The following FAM184B variants were observed in gnomAD, a reference collection of about 807,000 sequenced individuals.
FAM184B encodes protein FAM184B.
A neutral mutation model predicts 135.9 loss-of-function variants in FAM184B; 111 were observed. That is an observed-to-expected ratio of 0.82 (90% CI 0.70 to 0.96). The LOEUF is 0.96. FAM184B is among the 40% of genes least tolerant of loss of function. FAM184B has a pLI of 0.00. For missense variants in FAM184B, 1,375 were observed against 1,323.9 expected, an observed-to-expected ratio of 1.04 and a Z score of -0.60; for synonymous variants, 552 against 524.8, an observed-to-expected ratio of 1.05 and a Z score of -0.71.
chr4:17,630,198 C>T lies in FAM184B; in HGVS notation c.*2334G>A, dbSNP rs1310148864. On this transcript the variant is annotated 3_prime_UTR_variant, in exon 18 of 18. Transcript: ENST00000265018. ...GTTTCAACACACAAAAATAGAACCA[C>T]CTGTATGTAGTCTTTTTGAAAGCAC... 1 of 152,118 alleles carries T rather than the reference C, an allele frequency of 6.6e-6. No individual in the cohort carries two copies. The highest frequency in any genetic ancestry group is 1.5e-5 in the Non-Finnish European group (1 of 68,010). 9.4% of individuals were successfully genotyped at this position (152,118 alleles called of 1,614,324 possible).
At chr4:17,741,144 T>C (rs1435333515) in intron 1 of FAM184B, among the ~76,000 whole-genome samples, 1 of 152,202 alleles carries the variant, frequency 6.6e-6, no homozygotes, top group Non-Finnish European at 1.5e-5. Context: ...CCTGGGTTCT[T>C]GTGGGCATCA....
chr4:17,693,293 A>G lies in FAM184B; in HGVS notation c.1488+9T>C, dbSNP rs3822235. On this transcript the variant is annotated intron_variant, in intron 6 of 17. Coordinates refer to ENST00000265018, the MANE Select transcript of FAM184B (RefSeq NM_015688.2). ...AGCACCCCAAGGCTTGCATTTGGTC[A>G]GGGCTCACCTCAAGCAGAGAATTCT... 0.62 allele frequency: 957,019 copies of G among 1,543,980 alleles called. 300,845 individuals carry two copies. Among genetic ancestry groups the G allele is most frequent in the East Asian group, 0.94 (38,486 of 40,840 alleles).
chr4:17,775,566 T>A (rs1012699742), intron 1 of FAM184B, among the ~76,000 whole-genome samples: 1 of 152,242 alleles, frequency 6.6e-6, no homozygotes, highest in East Asian at 1.9e-4. Flanking sequence ...TTATCTTCTT[T>A]ACCCAACATT....
intron 1 of FAM184B, among the ~76,000 whole-genome samples, chr4:17,750,499 T>C (rs894843138): frequency 6.6e-6 from 1 of 152,242 alleles, no homozygotes; most frequent in African/African-American, 2.4e-5. Flanking sequence ...TCAGTGACGC[T>C]GGCATTTTGG....
At chr4:17,679,671 G>A (rs975545970) in intron 7 of FAM184B, among the ~76,000 whole-genome samples, 2 of 152,012 alleles carry the variant, frequency 1.3e-5, no homozygotes, top group Non-Finnish European at 2.9e-5. Context: ...TCCCACTACT[G>A]GGTATCTACC....
At position 17,722,079 on chromosome 4, in the gene FAM184B, C is replaced by T. The variant is rs537813304; in HGVS notation, c.142-12435G>A. ...TGTCCAGGAGGAGGAGTGGCAGGGC[C>T]AGTGACTCACTGGGTGTGGAGAGGG... On this transcript the variant is annotated intron_variant, in intron 1 of 17. Transcript: ENST00000265018. 2.8e-4 allele frequency among the ~76,000 whole-genome samples: 42 copies of T among 152,262 alleles called. 4 individuals are homozygous for T. The highest frequency in any genetic ancestry group is 2.0e-3 in the Admixed American group (31 of 15,278).
chr4:17,772,830 C>G (rs925859043), intron 1 of FAM184B, among the ~76,000 whole-genome samples: 2 of 152,184 alleles, frequency 1.3e-5, no homozygotes, highest in African/African-American at 4.8e-5. Context: ...GTTCTGCCTG[C>G]CAGGTGCACC....
At chr4:17,639,820 G>A (rs1008247465) in intron 13 of FAM184B, among the ~76,000 whole-genome samples, 1 of 150,768 alleles carries the variant, frequency 6.6e-6, no homozygotes, top group Non-Finnish European at 1.5e-5. Flanking sequence ...GCAGTGGAAA[G>A]CCTCCCTGAA....
intron 1 of FAM184B, among the ~76,000 whole-genome samples, chr4:17,725,629 T>TA (rs1717622262): frequency 6.6e-6 from 1 of 152,198 alleles, no homozygotes; most frequent in Non-Finnish European, 1.5e-5. Flanking sequence ...GGGTTAAGTG[T>TA]AAAGGCATCT....
intron 7 of FAM184B, among the ~76,000 whole-genome samples, chr4:17,682,080 T>C (rs985737169): frequency 2.6e-5 from 4 of 152,210 alleles, no homozygotes; most frequent in Non-Finnish European, 5.9e-5. Context: ...GACATATTTA[T>C]AGAGACGAGA....
At position 17,633,725 on chromosome 4, in the gene FAM184B, T is replaced by C; in HGVS notation, c.3053A>G (p.Lys1018Arg). Residue 1018 changes from lysine to arginine, a missense_variant, in exon 17 of 18, where the codon AAA becomes AGA. By Grantham distance (26) the Lys-to-Arg change is conservative. Transcript: ENST00000265018. ...TTTTGCATCTGTAGACTGGTTGGGT[T>C]TGTAGGTCCGGCCACAGCTGGGGCT... ...DPSPSCGRTYKPNQSTDAKTA... is the reference protein window; with the variant it reads ...DPSPSCGRTYRPNQSTDAKTA... 6.5e-7 allele frequency: 1 copy of C among 1,549,152 alleles called. No homozygotes were observed.
chr4:17,727,544 A>G (rs1717668444), intron 1 of FAM184B, among the ~76,000 whole-genome samples: 1 of 152,210 alleles, frequency 6.6e-6, no homozygotes, highest in Non-Finnish European at 1.5e-5. Flanking sequence ...GAAACTTACA[A>G]TCATGGCGGA....
At chr4:17,658,599 T>C in intron 9 of FAM184B, 37 bp from the exon 10 acceptor site, 2 of 1,531,380 alleles carry the variant, frequency 1.3e-6, no homozygotes, top group Non-Finnish European at 1.8e-6. Context: ...TCTAAGCCCC[T>C]TGCCTTTCCT....
intron 1 of FAM184B, among the ~76,000 whole-genome samples, chr4:17,711,467 G>A (rs2108967643): frequency 1.3e-5 from 2 of 151,886 alleles, no homozygotes; most frequent in African/African-American, 4.8e-5. Flanking sequence ...AATACAGCAA[G>A]ACTCAGTCTC....
chr4:17,762,386 C>T (rs1030094931), intron 1 of FAM184B, among the ~76,000 whole-genome samples: 2 of 152,162 alleles, frequency 1.3e-5, no homozygotes, highest in Admixed American at 6.5e-5. Flanking sequence ...TAACAGTGGT[C>T]GAGCTGATCT....
intron 1 of FAM184B, among the ~76,000 whole-genome samples, chr4:17,724,808 G>C (rs1356532306): frequency 6.6e-6 from 1 of 152,204 alleles, no homozygotes; most frequent in Non-Finnish European, 1.5e-5. Context: ...GGGCAAGCTT[G>C]CTCTCTGTCC....
At chr4:17,738,079 G>T (rs1441109493) in intron 1 of FAM184B, among the ~76,000 whole-genome samples, 2 of 152,142 alleles carry the variant, frequency 1.3e-5, no homozygotes, top group Non-Finnish European at 2.9e-5. Flanking sequence ...GGGATGAGCA[G>T]GTATCTAAGA....
intron 1 of FAM184B, among the ~76,000 whole-genome samples, chr4:17,755,170 T>A (rs971260338): frequency 2.0e-5 from 3 of 152,222 alleles, no homozygotes; most frequent in African/African-American, 7.2e-5. Context: ...AAAATTCTTT[T>A]ATACCTCAAT....
At chr4:17,743,695 A>G (rs1718095605) in intron 1 of FAM184B, among the ~76,000 whole-genome samples, 1 of 152,258 alleles carries the variant, frequency 6.6e-6, no homozygotes, top group Non-Finnish European at 1.5e-5. Flanking sequence ...AGCCAAGTGA[A>G]GAACAGCAGT....
Sources: allele counts gnomAD v4.1 joint callset (sites outside exome capture counted in the v4.1 genomes callset), GRCh38; gene constraint gnomAD v4.1.1; transcripts MANE v1.5; gene names NCBI Gene and HGNC (gene_info 2026-07-23, HGNC 2026-07-21).